The following ETFA variants were observed in gnomAD, a reference collection of about 807,000 sequenced individuals.
ETFA encodes electron transfer flavoprotein subunit alpha, mitochondrial.
ETFA carries 22 observed loss-of-function variants against 46.2 expected under a neutral mutation model. The ratio of observed to expected loss-of-function variants is 0.48; its 90% CI spans 0.34 to 0.68. ETFA has a LOEUF of 0.68. ETFA is among the 30% of genes least tolerant of loss of function. ETFA has a pLI of 0.01. For missense variants in ETFA, 345 were observed against 401.1 expected (o/e 0.86, Z 1.19); for synonymous variants, 131 against 139.9 (o/e 0.94, Z 0.45).
intron 9 of ETFA, among the ~76,000 whole-genome samples, chr15:76,266,157 G>A (rs911527873): frequency 2.0e-5 from 3 of 152,190 alleles, no homozygotes; most frequent in African/African-American, 7.2e-5. Context: ...CGATGGGCAA[G>A]CTACAACCAG....
Position 76,217,500 on chromosome 15 carries a change from T to C in ETFA, c.964-903A>G. The C allele has an allele frequency of 1.1e-5, 4 of 375,730 alleles. No individual in the cohort carries two copies. The Admixed American group carries it at 1.2e-4, about 11-fold the overall frequency. The allele number at this position is 375,730 out of a possible 1,614,324, so 23.3% of individuals were successfully genotyped here. On this transcript the variant is annotated intron_variant, in intron 11 of 11. Coordinates refer to ENST00000557943, the MANE Select transcript of ETFA (RefSeq NM_000126.4). ...ATCAAGACCTTGTGTGCTAATGCAG[T>C]GGCCGGTCAGCAGACACAGTAAGAA...
chr15:76,217,223 T>C lies in ETFA; in HGVS notation c.964-626A>G, dbSNP rs189089234. 1.1e-3 allele frequency among the ~76,000 whole-genome samples: 167 copies of C among 152,292 alleles called. 1 individual carries two copies. The highest frequency in any genetic ancestry group is 2.0e-3 in the Non-Finnish European group (134 of 68,024). ...GAAGAGTACTGTGTATTTACCTTCATGTTTTGCTTGGCATTCTTCCCACCC... is the reference window on the plus strand; with the variant it reads ...GAAGAGTACTGTGTATTTACCTTCACGTTTTGCTTGGCATTCTTCCCACCC... On this transcript the variant is annotated intron_variant, in intron 11 of 11. Coordinates refer to ENST00000557943, the MANE Select transcript of ETFA (RefSeq NM_000126.4).
chr15:76,260,111 G>T (rs574854548), intron 9 of ETFA: 2 of 1,483,436 alleles, frequency 1.3e-6, no homozygotes, highest in East Asian at 2.3e-5. Flanking sequence ...TGGGCCTACC[G>T]CACTGAACCA....
chr15:76,224,441 C>G (rs1400294007), intron 11 of ETFA, among the ~76,000 whole-genome samples: 3 of 152,180 alleles, frequency 2.0e-5, no homozygotes, highest in Non-Finnish European at 4.4e-5. Flanking sequence ...GAGCAAGAGC[C>G]CCATCCTAGT....
chr15:76,226,006 C>CCTTACT, intron 10 of ETFA, 77 bp from the exon 11 acceptor site: 3 of 702,206 alleles, frequency 4.3e-6, no homozygotes, highest in Non-Finnish European at 7.0e-6. Context: ...TTTTAACTTC[C>CCTTACT]AATATATTAA....
intron 11 of ETFA, among the ~76,000 whole-genome samples, chr15:76,220,550 C>T (rs1002079932): frequency 1.3e-5 from 2 of 152,174 alleles, no homozygotes; most frequent in African/African-American, 4.8e-5. Context: ...AGACAACCCA[C>T]ACAATGGGAG....
intron 9 of ETFA, among the ~76,000 whole-genome samples, chr15:76,264,020 C>T (rs1311174273): frequency 6.6e-6 from 1 of 152,078 alleles, no homozygotes; most frequent in Non-Finnish European, 1.5e-5. Context: ...TGGTGCTATA[C>T]AAAATTCTAT....
intron 11 of ETFA, chr15:76,217,802 A>G: frequency 3.5e-6 from 1 of 286,102 alleles, no homozygotes; most frequent in Non-Finnish European, 7.1e-6. Context: ...TGAACTCACC[A>G]CTGATGAATA....
chr15:76,223,195 A>G (rs1289361195), intron 11 of ETFA, among the ~76,000 whole-genome samples: 2 of 150,078 alleles, frequency 1.3e-5, no homozygotes, highest in African/African-American at 4.9e-5. Context: ...AATCAAATAC[A>G]TATATAACTG....
At chr15:76,286,810 A>G (rs2039709181) in intron 5 of ETFA, among the ~76,000 whole-genome samples, 1 of 152,234 alleles carries the variant, frequency 6.6e-6, no homozygotes, top group African/African-American at 2.4e-5. Flanking sequence ...CAATACAATC[A>G]GTAACTCAAA....
In ETFA at chr15:76,225,309, CAG is replaced by C. The variant is rs778094988; in HGVS notation, c.963+538_963+539del. ...TTTTTGTTTTGTTTTGTTTTTGAGA[CAG>C]AGTCTCTCACTCTGTCACCCAGGCT... On this transcript the variant is annotated intron_variant, in intron 11 of 11. Coordinates refer to ENST00000557943, the MANE Select transcript of ETFA (RefSeq NM_000126.4). 1.6e-4 allele frequency among the ~76,000 whole-genome samples: 24 copies of C among 152,118 alleles called. 1 individual carries two copies. Among genetic ancestry groups the C allele is most frequent in the African/African-American group, 5.1e-4 (21 of 41,524 alleles).
chr15:76,235,028 G>C (rs1364993338), intron 9 of ETFA, among the ~76,000 whole-genome samples: 1 of 152,150 alleles, frequency 6.6e-6, no homozygotes, highest in Non-Finnish European at 1.5e-5. Context: ...AGGCTCTGTA[G>C]CCTCATTGCC....
At chr15:76,257,415 A>G (rs181293630) in intron 9 of ETFA, among the ~76,000 whole-genome samples, 116 of 152,334 alleles carry the variant, frequency 7.6e-4, no homozygotes, top group African/African-American at 2.7e-3. Flanking sequence ...ACACATGAAA[A>G]AATGCTCATC....
At chr15:76,224,486 G>A (rs2038985725) in intron 11 of ETFA, among the ~76,000 whole-genome samples, 1 of 152,180 alleles carries the variant, frequency 6.6e-6, no homozygotes, top group Non-Finnish European at 1.5e-5. Flanking sequence ...CGGAGTAATC[G>A]GCTCAAGGGT....
chr15:76,281,479 G>A lies in ETFA; in HGVS notation c.733+2278C>T, dbSNP rs112242181. 2.4e-3 allele frequency among the ~76,000 whole-genome samples: 356 copies of A among 150,844 alleles called. 3 individuals are homozygous for A. The highest frequency in any genetic ancestry group is 8.1e-3 in the African/African-American group (331 of 40,972). The stretch of plus-strand genomic sequence containing the variant: ...CTCGCCCTGTTGCCCAGGCTAGGGT[G>A]CAGTGACATGATTTCTGCTCACTGC... On this transcript the variant is annotated intron_variant, in intron 8 of 11. Transcript: ENST00000557943.
In ETFA at chr15:76,231,429, G is replaced by GTATT. The variant is rs766196657; in HGVS notation, c.817-35_817-32dup. ...ATAAAAGAGGTCACATTATTAATAT[G>GTATT]TATTTATATTATATAATACTTTCCA... is the stretch of plus-strand genomic sequence containing the variant. On this transcript the variant is annotated intron_variant, in intron 9 of 11. Transcript: ENST00000557943. 5.3e-6 allele frequency: 7 copies of GTATT among 1,322,026 alleles called. No individual in the cohort carries two copies. The African/African-American group carries it at 1.0e-4, about 19-fold the overall frequency. The allele number at this position is 1,322,026 out of a possible 1,614,324, so 81.9% of individuals were successfully genotyped here.
At chr15:76,277,541 C>T (rs960513786) in intron 8 of ETFA, among the ~76,000 whole-genome samples, 6 of 152,060 alleles carry the variant, frequency 3.9e-5, no homozygotes, top group African/African-American at 7.2e-5. Flanking sequence ...CTCACTCTGT[C>T]GCCCAGGCTG....
chr15:76,256,777 C>T (rs1167163496), intron 9 of ETFA, among the ~76,000 whole-genome samples: 1 of 152,216 alleles, frequency 6.6e-6, no homozygotes, highest in African/African-American at 2.4e-5. Flanking sequence ...CCTATCACCT[C>T]AGTGATGTCA....
rs536975216 is a variant in ETFA, at chr15:76,292,937, G to A, written c.187-237C>T. 3.3e-5 allele frequency among the ~76,000 whole-genome samples: 5 copies of A among 152,298 alleles called. 1 individual carries two copies. The highest frequency in any genetic ancestry group is 3.3e-4 in the Admixed American group (5 of 15,292). On this transcript the variant is annotated intron_variant, in intron 2 of 11. Transcript: ENST00000557943. Reference sequence around the variant, plus strand: ...CAGATCACCGGAGTCAAGAGTTCAAGACCAGCCTGGCCAACATGGTGAAAC... The same window carrying A: ...CAGATCACCGGAGTCAAGAGTTCAAAACCAGCCTGGCCAACATGGTGAAAC...
Sources: allele counts gnomAD v4.1 joint callset (sites outside exome capture counted in the v4.1 genomes callset), GRCh38; gene constraint gnomAD v4.1.1; transcripts MANE v1.5; gene names NCBI Gene and HGNC (gene_info 2026-07-23, HGNC 2026-07-21).